The following SLC39A3 variants were observed in gnomAD, a reference collection of about 807,000 sequenced individuals.
SLC39A3 encodes the protein zinc transporter ZIP3.
Under a neutral mutation model 5.1 loss-of-function variants are expected in SLC39A3, and 3 were observed. The ratio of observed to expected loss-of-function variants is 0.59; its 90% CI spans 0.27 to 1.54. The LOEUF (loss-of-function observed/expected upper bound fraction) is 1.54. SLC39A3 is among the 40% of genes most tolerant of loss of function. The pLI is 0.12. For missense variants in SLC39A3, 412 were observed against 436.4 expected (o/e 0.94, Z 0.50); for synonymous variants, 250 against 218.8 (o/e 1.14, Z -1.26).
chr19:2,736,739 G>C, intron 2 of SLC39A3: 1 of 1,427,212 alleles, frequency 7.0e-7, no homozygotes, highest in Non-Finnish European at 9.1e-7. Flanking sequence ...ACCGAAGAGA[G>C]GCCATGCTTT....
chr19:2,739,812 C>A (rs1914492853), intron 1 of SLC39A3, 133 bp downstream of exon 1: 1 of 152,272 alleles, frequency 6.6e-6, no homozygotes, highest in Non-Finnish European at 1.5e-5. Context: ...TTATTGAGCG[C>A]CTTCTGTGTG....
At position 2,733,254 on chromosome 19, in the gene SLC39A3, C is replaced by T. The variant is rs140043268; in HGVS notation, c.442G>A (p.Val148Met). 6.8e-5 allele frequency: 109 copies of T among 1,611,298 alleles called. 2 individuals carry two copies. In the Admixed American group the frequency reaches 1.3e-3, roughly 19 times the overall value. The change falls in exon 3 of 3, where the codon GTG becomes ATG. Residue 148 changes from valine (V) to methionine (M), a missense_variant. Coordinates refer to ENST00000269740, the MANE Select transcript of SLC39A3 (RefSeq NM_144564.5). This position sits in a 1 kb window ranked among gnomAD's most constrained non-coding sequence, Gnocchi z 6.1. Reference protein sequence around the residue: ...MGGARGHALYVEPHGHGPSLS... With the variant: ...MGGARGHALYMEPHGHGPSLS... The stretch of plus-strand genomic sequence containing the variant: ...CTGGGGCCGTGGCCGTGGGGCTCCA[C>T]GTACAGCGCGTGGCCCCGCGCGCCC...
chr19:2,738,794 G>A (rs1320664334), intron 1 of SLC39A3, among the ~76,000 whole-genome samples: 2 of 152,068 alleles, frequency 1.3e-5, no homozygotes, highest in Non-Finnish European at 2.9e-5. Flanking sequence ...AAAATTAGCT[G>A]GGTGTGGTAG....
In SLC39A3 at chr19:2,734,780, C is replaced by T. The variant is rs1002423503; in HGVS notation, c.211-1295G>A. 1.9e-5 allele frequency: 19 copies of T among 985,362 alleles called. No homozygotes were observed. In the African/African-American group the frequency reaches 2.1e-4, roughly 11 times the overall value. The allele number at this position is 985,362 out of a possible 1,614,324, so 61.0% of individuals were successfully genotyped here. On this transcript the variant is annotated intron_variant, in intron 2 of 2. Transcript: ENST00000269740. The surrounding 1 kb of genome is among the most constrained non-coding windows in gnomAD (Gnocchi z 4.6). ...GCTGCAGCAGAAGGCTGTGTTTCCA[C>T]GGAGAAGCCACTTAACTCCCTCACT...
intron 1 of SLC39A3, among the ~76,000 whole-genome samples, chr19:2,737,969 T>C (rs868374363): frequency 6.6e-6 from 1 of 151,246 alleles, no homozygotes. Flanking sequence ...GAGGCCGAGG[T>C]GGGTGGATCA....
rs773188145 is a variant in SLC39A3, at chr19:2,733,327, G to A, written c.369C>T (p.Ala123=). 4.4e-5 allele frequency: 71 copies of A among 1,612,980 alleles called. No individual in the cohort carries two copies. Among genetic ancestry groups the A allele is most frequent in the Admixed American group, 6.7e-5 (4 of 59,998 alleles). Residue 123 remains alanine (A), a synonymous_variant, in exon 3 of 3, where the codon GCC becomes GCT. Coordinates refer to ENST00000269740, the MANE Select transcript of SLC39A3 (RefSeq NM_144564.5). The surrounding 1 kb of genome is among the most constrained non-coding windows in gnomAD (Gnocchi z 6.1). ...CCGAGTCGCTGCCCACGTCCGATCC[G>A]GCGTTGAAGGTCTCCAGGTCGATGA... ...PSFIDLETFN[A]GSDVGSDSEY... is the part of the protein sequence containing the mutation.
Position 2,733,631 on chromosome 19 carries a change from G to A in SLC39A3, c.211-146C>T, listed in dbSNP as rs914694129. On this transcript the variant is annotated intron_variant, in intron 2 of 2. Coordinates refer to ENST00000269740, the MANE Select transcript of SLC39A3 (RefSeq NM_144564.5). The surrounding 1 kb of genome is among the most constrained non-coding windows in gnomAD (Gnocchi z 6.1). ...AAAACAAGTGGGAGAGGAAGGGCTC[G>A]CCTGTGATGAATTAACACCACCACC... 70 of 1,098,602 alleles carry A rather than the reference G, an allele frequency of 6.4e-5. No homozygotes were observed. Among genetic ancestry groups the A allele is most frequent in the Non-Finnish European group, 7.7e-5 (61 of 794,446 alleles). 68.1% of individuals were successfully genotyped at this position (1,098,602 alleles called of 1,614,324 possible). A position where few individuals can be genotyped will look rare whatever the true frequency, so the allele number is the denominator to read the frequency against.
rs1348282590 is a variant in SLC39A3, at chr19:2,733,871, G to T, written c.211-386C>A. Among the ~76,000 whole-genome samples the T allele has an allele frequency of 3.9e-5, 6 of 152,226 alleles. No individual in the cohort carries two copies. Among genetic ancestry groups the T allele is most frequent in the Non-Finnish European group, 8.8e-5 (6 of 68,048 alleles). On this transcript the variant is annotated intron_variant, in intron 2 of 2. Coordinates refer to ENST00000269740, the MANE Select transcript of SLC39A3 (RefSeq NM_144564.5). This position sits in a 1 kb window ranked among gnomAD's most constrained non-coding sequence, Gnocchi z 6.1. ...CAGGAGAATGGCTTGAACCCAGGAG[G>T]CAGAGGTTGCAGTGAGACGAGATCG...
At position 2,732,535 on chromosome 19, in the gene SLC39A3, CT is replaced by C. The variant is rs1482684990; in HGVS notation, c.*215del. ...CATGGCCACACAGCTTTGGTAAAGA[CT>C]TTTAAGAGAAAGAAGTATTTTAAAA... On this transcript the variant is annotated 3_prime_UTR_variant, in exon 3 of 3. Transcript: ENST00000269740. The C allele has an allele frequency of 7.0e-7, 1 of 1,429,268 alleles. No individual in the cohort carries two copies. Among genetic ancestry groups the C allele is most frequent in the Non-Finnish European group, 9.1e-7 (1 of 1,096,534 alleles). The allele number at this position is 1,429,268 out of a possible 1,614,324, so 88.5% of individuals were successfully genotyped here. A position where few individuals can be genotyped will look rare whatever the true frequency, so the allele number is the denominator to read the frequency against.
intron 1 of SLC39A3, among the ~76,000 whole-genome samples, chr19:2,738,123 C>T (rs959157669): frequency 2.0e-5 from 3 of 147,030 alleles, no homozygotes; most frequent in Admixed American, 1.4e-4. Flanking sequence ...CGCTTGAACC[C>T]AGGAGGCAGA....
rs1914269209 is a variant in SLC39A3, at chr19:2,733,653, C to T, written c.211-168G>A. On this transcript the variant is annotated intron_variant, in intron 2 of 2. Coordinates refer to ENST00000269740, the MANE Select transcript of SLC39A3 (RefSeq NM_144564.5). The surrounding 1 kb of genome is among the most constrained non-coding windows in gnomAD (Gnocchi z 6.1). ...CTCGCCTGTGATGAATTAACACCAC[C>T]ACCACCAGCCAAGCGCGGTGGCTCA... Among the ~76,000 whole-genome samples the T allele has an allele frequency of 6.6e-6, 1 of 152,138 alleles. No individual in the cohort carries two copies. Among genetic ancestry groups the T allele is most frequent in the Admixed American group, 6.5e-5 (1 of 15,272 alleles).
At chr19:2,736,872 G>A (rs908704330) in intron 2 of SLC39A3, 176 bp downstream of exon 2, 2 of 1,497,546 alleles carry the variant, frequency 1.3e-6, no homozygotes, top group Non-Finnish European at 1.8e-6. Context: ...TTGGCCGGTA[G>A]AGCACAGAGA....
intron 2 of SLC39A3, chr19:2,736,018 C>T: frequency 5.1e-6 from 5 of 985,494 alleles, no homozygotes; most frequent in Non-Finnish European, 4.8e-6. Context: ...TTCAATGTCA[C>T]ATCTGGCACT....
intron 1 of SLC39A3, among the ~76,000 whole-genome samples, chr19:2,738,633 G>A (rs1425874679): frequency 6.6e-6 from 1 of 151,646 alleles, no homozygotes; most frequent in Non-Finnish European, 1.5e-5. Context: ...CCCTCGGTTG[G>A]GAGTGGTGGC....
chr19:2,733,567 C>A lies in SLC39A3; in HGVS notation c.211-82G>T. The A allele has an allele frequency of 6.7e-7, 1 of 1,499,664 alleles. No individual in the cohort carries two copies. The highest frequency in any genetic ancestry group is 1.3e-5 in the South Asian group (1 of 75,316). 92.9% of individuals were successfully genotyped at this position (1,499,664 alleles called of 1,614,324 possible). On this transcript the variant is annotated intron_variant, in intron 2 of 2. Transcript: ENST00000269740. The surrounding 1 kb of genome is among the most constrained non-coding windows in gnomAD (Gnocchi z 6.1). ...ACAGGGCTGGCCAGATGTCACCGTT[C>A]AAAGCAAAGTCCAGAAATCCCCGAT...
chr19:2,736,132 T>C, intron 2 of SLC39A3: 2 of 985,358 alleles, frequency 2.0e-6, no homozygotes, highest in Non-Finnish European at 2.4e-6. Context: ...GCTGCTGATA[T>C]GGGGGAGCTC....
rs1043611404 is a variant in SLC39A3, at chr19:2,734,771, G to C, written c.211-1286C>G. ...TGAGCCTCTGCTGCAGCAGAAGGCT[G>C]TGTTTCCACGGAGAAGCCACTTAAC... On this transcript the variant is annotated intron_variant, in intron 2 of 2. Coordinates refer to ENST00000269740, the MANE Select transcript of SLC39A3 (RefSeq NM_144564.5). This position sits in a 1 kb window ranked among gnomAD's most constrained non-coding sequence, Gnocchi z 4.6. 3.0e-6 allele frequency: 3 copies of C among 985,346 alleles called. No homozygotes were observed. The African/African-American group carries it at 5.2e-5, about 17-fold the overall frequency. The allele number at this position is 985,346 out of a possible 1,614,324, so 61.0% of individuals were successfully genotyped here. A position where few individuals can be genotyped will look rare whatever the true frequency, so the allele number is the denominator to read the frequency against.
intron 1 of SLC39A3, 47 bp from the exon 2 acceptor site, chr19:2,737,426 T>A: frequency 7.7e-7 from 1 of 1,303,906 alleles, no homozygotes; most frequent in Non-Finnish European, 1.0e-6. Context: ...TTTTTTCTTT[T>A]TTTTTTTTTA....
At chr19:2,737,018 G>C (rs1914390490) in intron 2 of SLC39A3, 30 bp downstream of exon 2, 1 of 1,613,240 alleles carries the variant, frequency 6.2e-7, no homozygotes, top group African/African-American at 1.3e-5. Flanking sequence ...AGGTGCCAAG[G>C]GCTGCTGCTA....
Sources: allele counts gnomAD v4.1 joint callset (sites outside exome capture counted in the v4.1 genomes callset), GRCh38; gene constraint gnomAD v4.1.1; non-coding constraint Gnocchi (gnomAD v3.1); transcripts MANE v1.5; gene names NCBI Gene and HGNC (gene_info 2026-07-23, HGNC 2026-07-21).